CSMD1: variants seen among roughly 807,000 people sequenced by gnomAD.
The protein encoded by CSMD1 is CUB and Sushi multiple domains 1.
A neutral mutation model predicts 417.5 loss-of-function variants in CSMD1; 213 were observed. That is an observed-to-expected ratio of 0.51 (90% confidence interval 0.46 to 0.57). The LOEUF is 0.57. CSMD1 is among the 20% of genes least tolerant of loss of function. The pLI is 0.00. For synonymous variants in CSMD1, 2,862 were observed against 1,736.8 expected, an observed-to-expected ratio of 1.65 and a Z score of -16.11; for missense variants, 6,923 against 4,529.7, an observed-to-expected ratio of 1.53 and a Z score of -15.17.
chr8:3,761,496 G>A (rs1797996235), intron 5 of CSMD1, among the ~76,000 whole-genome samples: 1 of 137,592 alleles, frequency 7.3e-6, no homozygotes, highest in Non-Finnish European at 1.5e-5. Flanking sequence ...TAATCAAAAC[G>A]ACCATTTTTT....
At chr8:3,770,518 G>C (rs900047922) in intron 5 of CSMD1, among the ~76,000 whole-genome samples, 2 of 152,060 alleles carry the variant, frequency 1.3e-5, no homozygotes, top group East Asian at 1.9e-4. Context: ...AACAAAGTGA[G>C]ACTCCATCTC....
At chr8:4,657,752 C>A (rs192547808) in intron 1 of CSMD1, among the ~76,000 whole-genome samples, 2 of 148,634 alleles carry the variant, frequency 1.3e-5, no homozygotes, top group African/African-American at 4.9e-5. Context: ...TGAAAAAGCA[C>A]GGACATTTGA....
chr8:4,701,980 C>G (rs528691783), intron 1 of CSMD1, among the ~76,000 whole-genome samples: 1 of 152,218 alleles, frequency 6.6e-6, no homozygotes, highest in South Asian at 2.1e-4. Flanking sequence ...GAGCTGGAAG[C>G]CATTATCCTC....
intron 2 of CSMD1, among the ~76,000 whole-genome samples, chr8:4,451,165 C>A (rs1228956487): frequency 3.3e-5 from 5 of 151,814 alleles, no homozygotes; most frequent in African/African-American, 1.2e-4. Flanking sequence ...CTGTCTCTAT[C>A]AAAATAATAT....
chr8:3,666,074 G>C (rs1798678548), intron 7 of CSMD1, among the ~76,000 whole-genome samples: 1 of 152,048 alleles, frequency 6.6e-6, no homozygotes, highest in African/African-American at 2.4e-5. Context: ...TTTTGTATCT[G>C]TAGTAGAGAC....
chr8:3,950,333 C>T (rs149796341), intron 5 of CSMD1, among the ~76,000 whole-genome samples: 1 of 152,192 alleles, frequency 6.6e-6, no homozygotes, highest in Non-Finnish European at 1.5e-5. Flanking sequence ...GAAAAGCCAT[C>T]TGACTCTAGC....
intron 1 of CSMD1, among the ~76,000 whole-genome samples, chr8:4,837,315 T>C (rs1210233912): frequency 6.6e-6 from 1 of 152,200 alleles, no homozygotes; most frequent in African/African-American, 2.4e-5. Flanking sequence ...GCTGCTGCAC[T>C]GTTTACAATA....
At chr8:3,077,315 GAC>G (rs1255257781) in intron 49 of CSMD1, among the ~76,000 whole-genome samples, 1 of 152,180 alleles carries the variant, frequency 6.6e-6, no homozygotes, top group African/African-American at 2.4e-5. Context: ...GTCCCCCCAA[GAC>G]ACAGCAGACT....
At chr8:4,399,938 C>A (rs538180665) in intron 3 of CSMD1, among the ~76,000 whole-genome samples, 3 of 152,188 alleles carry the variant, frequency 2.0e-5, no homozygotes, top group Non-Finnish European at 4.4e-5. Context: ...TTCTCCAGAC[C>A]TCATCTAGGG....
chr8:3,854,984 G>C (rs929120756), intron 5 of CSMD1, among the ~76,000 whole-genome samples: 2 of 152,042 alleles, frequency 1.3e-5, no homozygotes, highest in African/African-American at 4.8e-5. Context: ...CAAATGTCCA[G>C]GCCCAGTAAT....
intron 3 of CSMD1, among the ~76,000 whole-genome samples, chr8:4,305,995 T>C (rs1185621842): frequency 6.6e-6 from 1 of 152,200 alleles, no homozygotes; most frequent in Non-Finnish European, 1.5e-5. Flanking sequence ...ATTACCTTAA[T>C]GGTTGTGCAA....
At chr8:2,997,042 G>A (rs764647153) in intron 54 of CSMD1, among the ~76,000 whole-genome samples, 117 of 152,338 alleles carry the variant, frequency 7.7e-4, no homozygotes, top group South Asian at 1.0e-3. Context: ...GCTGGGGCTC[G>A]GCGGAGGCAG....
At chr8:4,777,171 C>T (rs961016061) in intron 1 of CSMD1, among the ~76,000 whole-genome samples, 30 of 152,190 alleles carry the variant, frequency 2.0e-4, no homozygotes, top group Non-Finnish European at 2.9e-5. Context: ...TCCATTTCAA[C>T]TTCCTGTTTT....
chr8:4,986,445 A>T lies in CSMD1; in HGVS notation c.85+7887T>A, dbSNP rs184890966. Reference sequence around the variant, plus strand: ...CTAAATAGAGGCATAGACATTCTTCAGTCATCTTGAAAATGACTGCCTGCA... The same window carrying T: ...CTAAATAGAGGCATAGACATTCTTCTGTCATCTTGAAAATGACTGCCTGCA... On this transcript the variant is annotated intron_variant, in intron 1 of 69. Coordinates refer to ENST00000635120, the MANE Select transcript of CSMD1 (RefSeq NM_033225.6). 7.6e-4 allele frequency among the ~76,000 whole-genome samples: 116 copies of T among 152,356 alleles called. 1 individual carries two copies. Among genetic ancestry groups the T allele is most frequent in the Admixed American group, 1.4e-3 (21 of 15,298 alleles).
intron 3 of CSMD1, among the ~76,000 whole-genome samples, chr8:4,205,448 C>T (rs925362772): frequency 2.6e-5 from 4 of 152,184 alleles, no homozygotes; most frequent in African/African-American, 4.8e-5. Flanking sequence ...TCATGATGCG[C>T]CCATTTATAT....
chr8:3,905,372 T>C (rs1584942495), intron 5 of CSMD1, among the ~76,000 whole-genome samples: 2 of 152,178 alleles, frequency 1.3e-5, no homozygotes, highest in East Asian at 3.9e-4. Context: ...GTTCTTTAGA[T>C]TTTCTTAGTA....
At chr8:3,019,690 T>C (rs779859529) in intron 51 of CSMD1, among the ~76,000 whole-genome samples, 47 of 152,212 alleles carry the variant, frequency 3.1e-4, no homozygotes, top group Non-Finnish European at 5.1e-4. Context: ...AGCACAGTTA[T>C]TGATCGTGTC....
intron 3 of CSMD1, among the ~76,000 whole-genome samples, chr8:4,376,662 A>T (rs1308481808): frequency 6.6e-6 from 1 of 152,326 alleles, no homozygotes; most frequent in East Asian, 1.9e-4. Flanking sequence ...AGCCGTGCTC[A>T]TATCACACCG....
intron 8 of CSMD1, among the ~76,000 whole-genome samples, chr8:3,609,129 G>C (rs1438696986): frequency 3.3e-5 from 5 of 152,190 alleles, no homozygotes. Context: ...ACTCTGACAA[G>C]ATATAGCACT....
Sources: allele counts gnomAD v4.1 joint callset (sites outside exome capture counted in the v4.1 genomes callset), GRCh38; gene constraint gnomAD v4.1.1; transcripts MANE v1.5; gene names NCBI Gene and HGNC (gene_info 2026-07-23, HGNC 2026-07-21).